SCO1: variants seen among roughly 807,000 people sequenced by gnomAD.
SCO1 encodes the protein synthesis of cytochrome C oxidase 1, also known as cytochrome c oxidase assembly factor SCO1.
SCO1 carries 23 observed loss-of-function variants against 34.0 expected under a neutral mutation model. That is an observed-to-expected ratio of 0.68 (90% CI 0.49 to 0.96). The LOEUF (loss-of-function observed/expected upper bound fraction) is 0.96, where lower values mean the gene tolerates loss of function less well. SCO1 is among the 40% of genes least tolerant of loss of function. SCO1 has a pLI of 0.00. For missense variants in SCO1, 404 were observed against 381.6 expected (o/e 1.06, Z -0.49); for synonymous variants, 161 against 145.5 (o/e 1.11, Z -0.77).
At position 10,677,581 on chromosome 17, in the gene SCO1, C is replaced by A. The variant is rs1351333997; in HGVS notation, c.*3538G>T. On this transcript the variant is annotated 3_prime_UTR_variant, in exon 6 of 6. Transcript: ENST00000255390. ...TGCAGACGCATTTACAATTTAAAAT[C>A]ATTAGCCTCCCAACTCGCATATTTT... 1 of 152,156 alleles carries A rather than the reference C, an allele frequency of 6.6e-6. No individual in the cohort carries two copies. Among genetic ancestry groups the A allele is most frequent in the Non-Finnish European group, 1.5e-5 (1 of 68,016 alleles). The allele number at this position is 152,156 out of a possible 1,614,324, so 9.4% of individuals were successfully genotyped here. A position where few individuals can be genotyped will look rare whatever the true frequency, so the allele number is the denominator to read the frequency against.
At chr17:10,691,417 G>C (rs1254179804) in intron 4 of SCO1, among the ~76,000 whole-genome samples, 1 of 152,144 alleles carries the variant, frequency 6.6e-6, no homozygotes, top group Non-Finnish European at 1.5e-5. Context: ...TGCCCGGCCT[G>C]TTACAGTAAA....
intron 2 of SCO1, among the ~76,000 whole-genome samples, chr17:10,695,351 C>G (rs2074714937): frequency 6.6e-6 from 1 of 152,220 alleles, no homozygotes; most frequent in Non-Finnish European, 1.5e-5. Flanking sequence ...CTACATCTTA[C>G]TCATCTTCGT....
At chr17:10,686,103 G>A (rs1019094030) in intron 5 of SCO1, among the ~76,000 whole-genome samples, 8 of 152,146 alleles carry the variant, frequency 5.3e-5, no homozygotes, top group South Asian at 2.1e-4. Flanking sequence ...CTAGCCAGGC[G>A]TGGGAGCACA....
intron 2 of SCO1, among the ~76,000 whole-genome samples, chr17:10,694,750 C>A (rs1353876873): frequency 6.6e-6 from 1 of 152,026 alleles, no homozygotes; most frequent in Non-Finnish European, 1.5e-5. Context: ...AATTTTCCCG[C>A]CACAACTTTC....
At position 10,674,522 on chromosome 17, in the gene SCO1, T is replaced by G. The variant is rs1482135635; in HGVS notation, c.*6597A>C. 4.4e-6 allele frequency: 1 copy of G among 225,398 alleles called. No individual in the cohort carries two copies. Among genetic ancestry groups the G allele is most frequent in the Non-Finnish European group, 8.9e-6 (1 of 111,968 alleles). 14.0% of individuals were successfully genotyped at this position (225,398 alleles called of 1,614,324 possible). A position where few individuals can be genotyped will look rare whatever the true frequency, so the allele number is the denominator to read the frequency against. ...GCATTTCTGCTAAGTACCCCAGTGG[T>G]GTGACACTGCCGGACCACAGACTAC... On this transcript the variant is annotated 3_prime_UTR_variant, in exon 6 of 6. Transcript: ENST00000255390.
At chr17:10,695,370 G>C (rs2074715047) in intron 2 of SCO1, among the ~76,000 whole-genome samples, 2 of 152,150 alleles carry the variant, frequency 1.3e-5, no homozygotes, top group Admixed American at 1.3e-4. Context: ...GTACCCTCCA[G>C]ATTTCATCTT....
intron 2 of SCO1, 80 bp from the exon 3 acceptor site, chr17:10,693,041 GTACTA>G: frequency 8.4e-7 from 1 of 1,189,048 alleles, no homozygotes; most frequent in South Asian, 1.2e-5. Flanking sequence ...CATATGGCCC[GTACTA>G]TGCTACTCAT....
At chr17:10,682,378 C>T (rs1274025059) in intron 5 of SCO1, among the ~76,000 whole-genome samples, 2 of 152,174 alleles carry the variant, frequency 1.3e-5, no homozygotes, top group African/African-American at 2.4e-5. Context: ...AGAGCGCCAA[C>T]AACTGGATTC....
rs1309077168 is a variant in SCO1, at chr17:10,676,903, T to A, written c.*4216A>T. On this transcript the variant is annotated 3_prime_UTR_variant, in exon 6 of 6. Coordinates refer to ENST00000255390, the MANE Select transcript of SCO1 (RefSeq NM_004589.4). Reference sequence around the variant, plus strand: ...TAATTACCCCTATAAGGTCTAAAGGTGTTATTAAGGAATATGTGGCTAAAG... The same window carrying A: ...TAATTACCCCTATAAGGTCTAAAGGAGTTATTAAGGAATATGTGGCTAAAG... The A allele has an allele frequency of 1.3e-5, 2 of 152,150 alleles. No individual in the cohort carries two copies. Among genetic ancestry groups the A allele is most frequent in the Admixed American group, 6.5e-5 (1 of 15,274 alleles). The allele number at this position is 152,150 out of a possible 1,614,324, so 9.4% of individuals were successfully genotyped here.
At chr17:10,686,309 C>A (rs2074655972) in intron 5 of SCO1, among the ~76,000 whole-genome samples, 1 of 151,892 alleles carries the variant, frequency 6.6e-6, no homozygotes, top group Non-Finnish European at 1.5e-5. Flanking sequence ...CCTAAGGAGG[C>A]TGGATGCGGT....
At chr17:10,682,927 A>G (rs1436894882) in intron 5 of SCO1, among the ~76,000 whole-genome samples, 1 of 152,252 alleles carries the variant, frequency 6.6e-6, no homozygotes, top group African/African-American at 2.4e-5. Context: ...GAATCTGTCC[A>G]GTTTCAAAGT....
chr17:10,682,764 G>A (rs990362614), intron 5 of SCO1, among the ~76,000 whole-genome samples: 1 of 152,272 alleles, frequency 6.6e-6, no homozygotes, highest in Middle Eastern at 3.4e-3. Flanking sequence ...GTACTTCCTT[G>A]TATAGAAAAA....
At chr17:10,682,718 C>A (rs1407152524) in intron 5 of SCO1, among the ~76,000 whole-genome samples, 1 of 152,206 alleles carries the variant, frequency 6.6e-6, no homozygotes, top group Admixed American at 6.5e-5. Flanking sequence ...GACATTTATT[C>A]TAATACAGAG....
chr17:10,692,062 G>T, intron 3 of SCO1, 98 bp from the exon 4 acceptor site: 2 of 859,632 alleles, frequency 2.3e-6, no homozygotes, highest in Non-Finnish European at 2.0e-6. Context: ...TGGACAGCTA[G>T]GTGTTTTGAA....
rs534270464 is a variant in SCO1, at chr17:10,696,247, C to A, written c.274-416G>T. ...ATCACCTGAGGTCGGGAGTTTGAGA[C>A]CAGCATGGCCAACATGGTGAAACCC... On this transcript the variant is annotated intron_variant, in intron 1 of 5. Coordinates refer to ENST00000255390, the MANE Select transcript of SCO1 (RefSeq NM_004589.4). Among the ~76,000 whole-genome samples the A allele has an allele frequency of 1.4e-4, 22 of 152,100 alleles. No homozygotes were observed. The South Asian group carries it at 4.6e-3, about 32-fold the overall frequency.
chr17:10,690,579 C>A (rs2074683622), intron 4 of SCO1, among the ~76,000 whole-genome samples: 1 of 152,184 alleles, frequency 6.6e-6, no homozygotes, highest in Non-Finnish European at 1.5e-5. Flanking sequence ...CTCACACACA[C>A]CATTGATGGA....
Position 10,681,272 on chromosome 17 carries a change from A to AG in SCO1, c.772-20dup. Reference sequence around the variant, plus strand: ...GATCCACCTGCAGAGAAAAGGGGGGAGAGTGTGACAAAGATTACCAAAATA... The same window carrying AG: ...GATCCACCTGCAGAGAAAAGGGGGGAGGAGTGTGACAAAGATTACCAAAATA... On this transcript the variant is annotated intron_variant, in intron 5 of 5. Coordinates refer to ENST00000255390, the MANE Select transcript of SCO1 (RefSeq NM_004589.4). The AG allele has an allele frequency of 6.2e-7, 1 of 1,613,224 alleles. No homozygotes were observed. Among genetic ancestry groups the AG allele is most frequent in the Admixed American group, 1.7e-5 (1 of 60,012 alleles).
rs1296541849 is a variant in SCO1 at position 10,675,997 on chromosome 17, A to G, written c.*5122T>C. ...CCAAATTATAAACGAGTTTACACTG[A>G]CTGGATATTTGATATTAAGCAAAAA... On this transcript the variant is annotated 3_prime_UTR_variant, in exon 6 of 6. Transcript: ENST00000255390. The G allele has an allele frequency of 6.6e-6, 1 of 152,222 alleles. No individual in the cohort carries two copies. Among genetic ancestry groups the G allele is most frequent in the African/African-American group, 2.4e-5 (1 of 41,458 alleles). 9.4% of individuals were successfully genotyped at this position (152,222 alleles called of 1,614,324 possible). A position where few individuals can be genotyped will look rare whatever the true frequency, so the allele number is the denominator to read the frequency against.
At chr17:10,693,848 A>T (rs575371260) in intron 2 of SCO1, among the ~76,000 whole-genome samples, 1 of 152,378 alleles carries the variant, frequency 6.6e-6, no homozygotes, top group Admixed American at 6.5e-5. Flanking sequence ...AATCTGGGAC[A>T]ACTTGGGCAT....
Sources: gnomAD v4.1 joint callset for allele counts (sites outside exome capture counted in the v4.1 genomes callset) on GRCh38, gnomAD v4.1.1 for gene constraint, MANE v1.5 for transcripts, NCBI Gene and HGNC (gene_info 2026-07-23, HGNC 2026-07-21) for gene names.